The following KAT6B variants were observed in gnomAD, a reference collection of about 807,000 sequenced individuals.
KAT6B encodes histone acetyltransferase KAT6B.
KAT6B carries 10 observed loss-of-function variants against 187.5 expected under a neutral mutation model. That is an observed-to-expected ratio of 0.05 (90% CI 0.03 to 0.09). The LOEUF is 0.09. Among genes scored for constraint, KAT6B ranks in the 10% least tolerant of loss-of-function variants. The pLI is 1.00. For missense variants in KAT6B, 1,952 were observed against 2,558.9 expected (o/e 0.76, Z 5.12); for synonymous variants, 861 against 926.8 (o/e 0.93, Z 1.29).
In KAT6B at chr10:75,023,627, C is replaced by T. The variant is rs1007744685; in HGVS notation, c.3373-1331C>T. 1.6e-4 allele frequency: 25 copies of T among 152,234 alleles called. No individual in the cohort carries two copies. The East Asian group carries it at 1.7e-3, about 11-fold the overall frequency. 9.4% of individuals were successfully genotyped at this position (152,234 alleles called of 1,614,324 possible). The stretch of plus-strand genomic sequence containing the variant: ...CAGGCAGACTGGGGGGAATAATAAC[C>T]GTAAATGTTTAATTACAGAATATGA... On this transcript the variant is annotated intron_variant, in intron 16 of 17. Transcript: ENST00000287239.
Position 74,834,645 on chromosome 10 carries a change from C to T in KAT6B, c.-328-4038C>T, listed in dbSNP as rs1841146466. ...CAAGAGATCCTCTTGCCTCGGTCTC[C>T]CGAGTAGCTGGGTCTACAGGTGTAC... On this transcript the variant is annotated intron_variant, in intron 1 of 17. Coordinates refer to ENST00000287239, the MANE Select transcript of KAT6B (RefSeq NM_012330.4). Among the ~76,000 whole-genome samples, 3 of 152,158 alleles carry T rather than the reference C, an allele frequency of 2.0e-5. No homozygotes were observed. In the South Asian group the frequency reaches 6.2e-4, roughly 32 times the overall value.
rs11001182 is a variant in KAT6B at position 74,848,278 on chromosome 10, G to A, written c.621+4800G>A. Among the ~76,000 whole-genome samples the A allele has an allele frequency of 2.4e-4, 36 of 152,264 alleles. No individual in the cohort carries two copies. In the East Asian group the frequency reaches 6.7e-3, roughly 29 times the overall value. ...AGCTTGTCCAACCCATGGCCCATGG[G>A]CTAGATGCGGCCCTGAATGGCTTTG... On this transcript the variant is annotated intron_variant, in intron 3 of 17. Coordinates refer to ENST00000287239, the MANE Select transcript of KAT6B (RefSeq NM_012330.4).
chr10:74,940,191 A>C lies in KAT6B; in HGVS notation c.622-19779A>C, dbSNP rs544539694. On this transcript the variant is annotated intron_variant, in intron 3 of 17. Transcript: ENST00000287239. Reference sequence around the variant, plus strand: ...GGAATTTTTTAAGAAAACCATGTGTATGTATACATTAAAATCAACAAAATA... The same window carrying C: ...GGAATTTTTTAAGAAAACCATGTGTCTGTATACATTAAAATCAACAAAATA... 2.6e-5 allele frequency among the ~76,000 whole-genome samples: 4 copies of C among 152,162 alleles called. No homozygotes were observed. The South Asian group carries it at 6.2e-4, about 24-fold the overall frequency.
chr10:74,967,639 T>A (rs1841571517), intron 4 of KAT6B, among the ~76,000 whole-genome samples: 1 of 152,204 alleles, frequency 6.6e-6, no homozygotes, highest in Admixed American at 6.5e-5. Context: ...AAAGGAAAGA[T>A]AGGCTGAAGA....
intron 3 of KAT6B, among the ~76,000 whole-genome samples, chr10:74,893,512 T>C (rs1389729477): frequency 6.6e-6 from 1 of 151,912 alleles, no homozygotes; most frequent in Non-Finnish European, 1.5e-5. Context: ...TCTTGTTGCC[T>C]AGGCTGGAGT....
chr10:74,869,695 T>A (rs1214620853), intron 3 of KAT6B, among the ~76,000 whole-genome samples: 2 of 152,266 alleles, frequency 1.3e-5, no homozygotes, highest in African/African-American at 4.8e-5. Context: ...CTTATTAGCC[T>A]TTATTATAGT....
chr10:74,938,785 G>GA (rs1435430669), intron 3 of KAT6B, among the ~76,000 whole-genome samples: 2 of 151,962 alleles, frequency 1.3e-5, no homozygotes, highest in Non-Finnish European at 2.9e-5. Flanking sequence ...CACACAGGCT[G>GA]GAGTGCAATG....
intron 3 of KAT6B, among the ~76,000 whole-genome samples, chr10:74,917,798 G>A (rs1847803821): frequency 6.6e-6 from 1 of 152,200 alleles, no homozygotes; most frequent in Non-Finnish European, 1.5e-5. Context: ...GAGTGGAAGA[G>A]GAGTTCATCA....
intron 3 of KAT6B, among the ~76,000 whole-genome samples, chr10:74,881,256 G>A (rs937356992): frequency 2.0e-5 from 3 of 152,048 alleles, no homozygotes; most frequent in Non-Finnish European, 4.4e-5. Context: ...ATGCCCTGTT[G>A]GTTTTATAGT....
intron 3 of KAT6B, among the ~76,000 whole-genome samples, chr10:74,955,701 G>A (rs556638445): frequency 1.3e-5 from 2 of 151,946 alleles, no homozygotes; most frequent in South Asian, 2.1e-4. Context: ...TGCTAAAAAC[G>A]AAGATATTCT....
At position 75,014,113 on chromosome 10, in the gene KAT6B, T is replaced by G. The variant is rs143930190; in HGVS notation, c.2630-6469T>G. On this transcript the variant is annotated intron_variant, in intron 13 of 17. Transcript: ENST00000287239. ...TTTTACTTTCATTTTCTCATGAGTA[T>G]ACAGAGGAGTTTTCCAGAATGTCAT... Among the ~76,000 whole-genome samples, 943 of 152,306 alleles carry G rather than the reference T, an allele frequency of 6.2e-3. 41 individuals are homozygous for G. Among genetic ancestry groups the G allele is most frequent in the Admixed American group, 0.058 (888 of 15,298 alleles).
intron 3 of KAT6B, among the ~76,000 whole-genome samples, chr10:74,846,142 G>A (rs1022904742): frequency 1.3e-5 from 2 of 152,026 alleles, no homozygotes; most frequent in African/African-American, 4.8e-5. Context: ...GGGATTATAG[G>A]CATGAGCCAC....
chr10:74,901,050 A>G (rs1047047940), intron 3 of KAT6B, among the ~76,000 whole-genome samples: 13 of 152,082 alleles, frequency 8.5e-5, no homozygotes, highest in East Asian at 1.9e-4. Context: ...TACACTTAAA[A>G]TATCTTTTAT....
At chr10:74,887,936 T>C (rs1845399199) in intron 3 of KAT6B, among the ~76,000 whole-genome samples, 1 of 151,858 alleles carries the variant, frequency 6.6e-6, no homozygotes, top group South Asian at 2.1e-4. Flanking sequence ...CAGTAAGCTA[T>C]GATTGTGCCA....
At chr10:74,838,868 T>C (rs1351483420) in intron 2 of KAT6B, 116 bp downstream of exon 2, 1 of 152,194 alleles carries the variant, frequency 6.6e-6, no homozygotes, top group Non-Finnish European at 1.5e-5. Flanking sequence ...GGGTAAAGAT[T>C]TGTGGGCTGG....
chr10:74,861,613 A>G (rs1249053040), intron 3 of KAT6B, among the ~76,000 whole-genome samples: 1 of 152,212 alleles, frequency 6.6e-6, no homozygotes, highest in Admixed American at 6.5e-5. Context: ...CCAGGCATCC[A>G]AGCTCCTTGA....
chr10:74,924,902 T>G (rs1423875010), intron 3 of KAT6B, among the ~76,000 whole-genome samples: 1 of 152,196 alleles, frequency 6.6e-6, no homozygotes, highest in East Asian at 1.9e-4. Context: ...TGAATTTTTT[T>G]TTTTTCAGCT....
chr10:74,892,028 C>T (rs1845675788), intron 3 of KAT6B, among the ~76,000 whole-genome samples: 1 of 152,168 alleles, frequency 6.6e-6, no homozygotes. Context: ...TAGGCTTAGC[C>T]TGTTGACTGC....
intron 11 of KAT6B, chr10:74,983,506 T>G (rs1376287448): frequency 1.3e-5 from 2 of 152,260 alleles, no homozygotes; most frequent in African/African-American, 4.8e-5. Flanking sequence ...GCTTTCCTAT[T>G]GGCTCCTTCC....
Sources: gnomAD v4.1 joint callset for allele counts (sites outside exome capture counted in the v4.1 genomes callset) on GRCh38, gnomAD v4.1.1 for gene constraint, MANE v1.5 for transcripts, NCBI Gene and HGNC (gene_info 2026-07-23, HGNC 2026-07-21) for gene names.